The following SIPA1L1 variants were observed in gnomAD, a reference collection of about 807,000 sequenced individuals.
SIPA1L1 encodes the protein signal induced proliferation associated 1 like 1.
Under a neutral mutation model 162.7 loss-of-function variants are expected in SIPA1L1, and 26 were observed. That is an observed-to-expected ratio of 0.16 (90% CI 0.12 to 0.22). The LOEUF (loss-of-function observed/expected upper bound fraction) is 0.22. Among genes scored for constraint, SIPA1L1 ranks in the 10% least tolerant of loss-of-function variants. SIPA1L1 has a pLI of 1.00. For missense variants in SIPA1L1, 1,874 were observed against 2,241.0 expected (o/e 0.84, Z 3.31); for synonymous variants, 829 against 837.4 (o/e 0.99, Z 0.17).
At chr14:71,350,972 C>G (rs111826564) in intron 2 of SIPA1L1, among the ~76,000 whole-genome samples, 1,770 of 152,210 alleles carry the variant, frequency 0.012, 18 homozygotes, top group East Asian at 0.021. Flanking sequence ...CTGTTGCGCT[C>G]TGTATTTGAT....
rs112276282 is a variant in SIPA1L1, at chr14:71,419,716, C to G, written c.-464-93027C>G. ...GTTTCACCTTGTTAGCCAGGATGGT[C>G]TTGATCTCCTGACCTCATGATCCAC... On this transcript the variant is annotated intron_variant, in intron 2 of 23. Coordinates refer to ENST00000381232, the MANE Select transcript of SIPA1L1 (RefSeq NM_001386936.1). Among the ~76,000 whole-genome samples the G allele has an allele frequency of 1.6e-3, 236 of 151,934 alleles. 1 individual carries two copies. The highest frequency in any genetic ancestry group is 2.5e-3 in the Non-Finnish European group (168 of 67,958).
At chr14:71,322,535 A>T (rs185081293) in intron 2 of SIPA1L1, among the ~76,000 whole-genome samples, 66 of 152,352 alleles carry the variant, frequency 4.3e-4, no homozygotes, top group Admixed American at 4.3e-3. Flanking sequence ...ATGGCCACCG[A>T]TGTGTCCAAC....
chr14:71,603,940 T>A (rs1229501334), intron 5 of SIPA1L1, among the ~76,000 whole-genome samples: 1 of 141,952 alleles, frequency 7.0e-6, no homozygotes, highest in African/African-American at 2.5e-5. Context: ...TATTTATATA[T>A]CTATATATAT....
chr14:71,624,204 A>C lies in SIPA1L1; in HGVS notation c.1786A>C (p.Thr596Pro). Residue 596 changes from threonine (T) to proline (P), a missense_variant, in exon 7 of 24, where the codon ACA becomes CCA. By Grantham distance (38) the Thr-to-Pro change is conservative. Transcript: ENST00000381232. ...LRLAFNTPKV[T>P]EQLMKLDEQG... ...GTTGGCCTTCAACACACCCAAGGTC[A>C]CAGAGCAGCTCATGAAACTGGATGA... 1 of 1,613,728 alleles carries C rather than the reference A, an allele frequency of 6.2e-7. No individual in the cohort carries two copies. Among genetic ancestry groups the C allele is most frequent in the African/African-American group, 1.3e-5 (1 of 75,046 alleles).
intron 4 of SIPA1L1, among the ~76,000 whole-genome samples, chr14:71,536,210 A>G (rs1025906692): frequency 6.6e-6 from 1 of 151,562 alleles, no homozygotes; most frequent in Non-Finnish European, 1.5e-5. Flanking sequence ...ATATGAAAGT[A>G]GTTGTCCTTT....
rs1344158257 is a variant in SIPA1L1, at chr14:71,741,037, T to C, written c.*1876T>C. On this transcript the variant is annotated 3_prime_UTR_variant, in exon 24 of 24. Coordinates refer to ENST00000381232, the MANE Select transcript of SIPA1L1 (RefSeq NM_001386936.1). The stretch of plus-strand genomic sequence containing the variant: ...AGAATAAAATTCATTTTAAACGCTC[T>C]TTTAAAACACTTTGGTATTATTGCT... 6.6e-6 allele frequency: 1 copy of C among 152,232 alleles called. No individual in the cohort carries two copies. 9.4% of individuals were successfully genotyped at this position (152,232 alleles called of 1,614,324 possible).
intron 7 of SIPA1L1, among the ~76,000 whole-genome samples, chr14:71,640,750 G>T (rs568531879): frequency 6.6e-6 from 1 of 152,032 alleles, no homozygotes; most frequent in African/African-American, 2.4e-5. Context: ...TCAGCCTCCC[G>T]CAGAGCTGGG....
intron 12 of SIPA1L1, among the ~76,000 whole-genome samples, chr14:71,683,750 A>T (rs2149537166): frequency 6.6e-6 from 1 of 152,366 alleles, no homozygotes; most frequent in Admixed American, 6.5e-5. Flanking sequence ...ATGACATAGC[A>T]GTCATTAACT....
At chr14:71,379,989 AAATAAT>A (rs1164233283) in intron 2 of SIPA1L1, among the ~76,000 whole-genome samples, 1 of 152,000 alleles carries the variant, frequency 6.6e-6, no homozygotes, top group African/African-American at 2.4e-5. Context: ...TTCTTTTTGA[AAATAAT>A]AATAATAATA....
At chr14:71,527,135 A>G (rs1340146114) in intron 3 of SIPA1L1, among the ~76,000 whole-genome samples, 2 of 151,892 alleles carry the variant, frequency 1.3e-5, no homozygotes, top group Non-Finnish European at 2.9e-5. Flanking sequence ...AGCCATTTTT[A>G]TATTCTGTTT....
At position 71,547,414 on chromosome 14, in the gene SIPA1L1, C is replaced by G. The variant is rs188476750; in HGVS notation, c.-303+18044C>G. ...GTTCAAGTGATTCCGCTGCCTCAGC[C>G]TCCCAAGTAGCTGGGATTACAAGTG... On this transcript the variant is annotated intron_variant, in intron 4 of 23. Transcript: ENST00000381232. 9.3e-3 allele frequency among the ~76,000 whole-genome samples: 1,401 copies of G among 151,192 alleles called. 8 individuals are homozygous for G. Among genetic ancestry groups the G allele is most frequent in the Non-Finnish European group, 0.013 (878 of 67,850 alleles).
At chr14:71,723,029 C>T (rs1177370059) in intron 17 of SIPA1L1, among the ~76,000 whole-genome samples, 1 of 152,272 alleles carries the variant, frequency 6.6e-6, no homozygotes, top group Non-Finnish European at 1.5e-5. Context: ...AGCCACCCCG[C>T]CCAGCCCTAG....
At position 71,724,844 on chromosome 14, in the gene SIPA1L1, CAG is replaced by C. The variant is rs1309656957; in HGVS notation, c.4614+12_4614+13del. On this transcript the variant is annotated intron_variant, in intron 19 of 23. Coordinates refer to ENST00000381232, the MANE Select transcript of SIPA1L1 (RefSeq NM_001386936.1). ...CACAGAAGAGTTTTAAGGTACAAGA[CAG>C]AGCTCAGGGTAGATGGCAATTAGAA... 1.9e-5 allele frequency: 31 copies of C among 1,612,944 alleles called. No homozygotes were observed. The highest frequency in any genetic ancestry group is 2.5e-5 in the Non-Finnish European group (30 of 1,179,312).
intron 2 of SIPA1L1, among the ~76,000 whole-genome samples, chr14:71,363,213 A>G (rs1348405176): frequency 1.3e-5 from 2 of 152,216 alleles, no homozygotes; most frequent in Admixed American, 6.5e-5. Flanking sequence ...TTTTAAGAAT[A>G]ATTTCTCTAC....
At chr14:71,635,489 C>CT (rs1191056682) in intron 7 of SIPA1L1, among the ~76,000 whole-genome samples, 2 of 152,070 alleles carry the variant, frequency 1.3e-5, no homozygotes, top group African/African-American at 4.8e-5. Context: ...AGTAAAGAGA[C>CT]TAAAGAGAGG....
At chr14:71,710,859 G>A (rs1010368706) in intron 17 of SIPA1L1, among the ~76,000 whole-genome samples, 5 of 151,276 alleles carry the variant, frequency 3.3e-5, no homozygotes, top group Non-Finnish European at 7.4e-5. Flanking sequence ...GTAATAGAGA[G>A]GCTTAATTTA....
intron 2 of SIPA1L1, among the ~76,000 whole-genome samples, chr14:71,440,368 T>C (rs190074800): frequency 6.6e-6 from 1 of 151,992 alleles, no homozygotes; most frequent in African/African-American, 2.4e-5. Context: ...AAAAATAAAA[T>C]ATGTCTAGGT....
At position 71,699,090 on chromosome 14, in the gene SIPA1L1, G is replaced by C. The variant is rs557390212; in HGVS notation, c.3484G>C (p.Val1162Leu). The C allele has an allele frequency of 6.2e-7, 1 of 1,614,154 alleles. No individual in the cohort carries two copies. Among genetic ancestry groups the C allele is most frequent in the Non-Finnish European group, 8.5e-7 (1 of 1,179,986 alleles). Residue 1162 changes from valine to leucine, a missense_variant, in exon 14 of 24, where the codon GTG becomes CTG. This residue lies in a region of SIPA1L1 where 936 missense variants were observed against 1,051.9 expected (regional missense o/e 0.89). Coordinates refer to ENST00000381232, the MANE Select transcript of SIPA1L1 (RefSeq NM_001386936.1). ...NLSSSSDTGS[V>L]GGTYRQKSMP... is the part of the protein sequence containing the mutation. ...GTCTTCATCCAGTGATACTGGTTCTGTGGGGGGCACTTACAGGCAGAAGTC... is the reference window on the plus strand; with the variant it reads ...GTCTTCATCCAGTGATACTGGTTCTCTGGGGGGCACTTACAGGCAGAAGTC...
intron 2 of SIPA1L1, among the ~76,000 whole-genome samples, chr14:71,354,281 C>CG (rs1555403068): frequency 7.3e-6 from 1 of 137,746 alleles, no homozygotes; most frequent in Non-Finnish European, 1.6e-5. Context: ...TCATTTGTTT[C>CG]TTTTTTTTTT....
Sources: allele counts gnomAD v4.1 joint callset (sites outside exome capture counted in the v4.1 genomes callset), GRCh38; gene constraint gnomAD v4.1.1; regional missense constraint gnomAD v4.1.1; transcripts MANE v1.5; gene names NCBI Gene and HGNC (gene_info 2026-07-23, HGNC 2026-07-21).